Variants in PTPRD observed in about 807,000 individuals in gnomAD.
PTPRD encodes the protein protein tyrosine phosphatase receptor type D.
In PTPRD, 34 loss-of-function variants were observed where a neutral mutation model predicts 214.5. That is an observed-to-expected ratio of 0.16 (90% CI 0.12 to 0.21). The LOEUF is 0.21. PTPRD is among the 10% of genes least tolerant of loss of function. PTPRD has a pLI of 1.00. For missense variants in PTPRD, 2,545 were observed against 2,398.7 expected, an observed-to-expected ratio of 1.06 and a Z score of -1.27; for synonymous variants, 1,128 against 845.7, an observed-to-expected ratio of 1.33 and a Z score of -5.79.
chr9:8,857,463 G>A (rs534133784), intron 11 of PTPRD, among the ~76,000 whole-genome samples: 4 of 152,184 alleles, frequency 2.6e-5, no homozygotes, highest in Non-Finnish European at 5.9e-5. Context: ...TCTGCCCGAG[G>A]AGGTCCAGAG....
At chr9:9,263,789 CA>C (rs1213141565) in intron 9 of PTPRD, among the ~76,000 whole-genome samples, 2 of 151,532 alleles carry the variant, frequency 1.3e-5, no homozygotes, top group Admixed American at 6.6e-5. Context: ...CAATACACAC[CA>C]CAGACACTTG....
At chr9:9,393,250 T>C (rs2066524196) in intron 9 of PTPRD, among the ~76,000 whole-genome samples, 1 of 152,160 alleles carries the variant, frequency 6.6e-6, no homozygotes, top group African/African-American at 2.4e-5. Flanking sequence ...TTGTCATCTT[T>C]CTCATTAACT....
At chr9:9,539,701 T>A (rs1326494657) in intron 8 of PTPRD, among the ~76,000 whole-genome samples, 1 of 151,848 alleles carries the variant, frequency 6.6e-6, no homozygotes, top group Non-Finnish European at 1.5e-5. Context: ...TAACTGGGAG[T>A]GTTGTCCATT....
intron 12 of PTPRD, among the ~76,000 whole-genome samples, chr9:8,730,064 G>A (rs1055853474): frequency 1.3e-5 from 2 of 152,082 alleles, no homozygotes; most frequent in Admixed American, 6.6e-5. Context: ...AGACCATCCT[G>A]GCTAACACAG....
chr9:8,599,267 A>G (rs2094663278), intron 14 of PTPRD, among the ~76,000 whole-genome samples: 1 of 152,172 alleles, frequency 6.6e-6, no homozygotes, highest in Admixed American at 6.5e-5. Flanking sequence ...TTTCCTTTAT[A>G]AATTACTCAG....
At chr9:10,207,940 A>G (rs1013902023) in intron 3 of PTPRD, among the ~76,000 whole-genome samples, 1 of 152,240 alleles carries the variant, frequency 6.6e-6, no homozygotes, top group African/African-American at 2.4e-5. Flanking sequence ...CAGTGCATCA[A>G]TTCCCACACA....
At chr9:9,991,262 T>C (rs564144425) in intron 4 of PTPRD, among the ~76,000 whole-genome samples, 28 of 151,738 alleles carry the variant, frequency 1.8e-4, no homozygotes, top group Admixed American at 1.4e-3. Flanking sequence ...AACTTGGGGA[T>C]TGGAAAAATT....
intron 11 of PTPRD, chr9:8,860,792 G>A (rs1037281101): frequency 6.6e-6 from 1 of 152,072 alleles, no homozygotes; most frequent in Non-Finnish European, 1.5e-5. Context: ...GTAAAGAAAC[G>A]AAGACCCTGA....
chr9:10,205,574 T>C (rs1348756359), intron 3 of PTPRD, among the ~76,000 whole-genome samples: 1 of 151,740 alleles, frequency 6.6e-6, no homozygotes, highest in Non-Finnish European at 1.5e-5. Context: ...CCAGCCTAAT[T>C]TTTTATGTGT....
chr9:8,875,656 C>T (rs1224768583), intron 11 of PTPRD, among the ~76,000 whole-genome samples: 2 of 152,118 alleles, frequency 1.3e-5, no homozygotes, highest in Admixed American at 1.3e-4. Flanking sequence ...TATGGATGCT[C>T]TTGTATATTA....
At chr9:8,385,699 T>C (rs1182256293) in intron 37 of PTPRD, among the ~76,000 whole-genome samples, 1 of 152,174 alleles carries the variant, frequency 6.6e-6, no homozygotes, top group Non-Finnish European at 1.5e-5. Context: ...GTAACCCATG[T>C]CTATATCACT....
At chr9:8,416,277 T>C (rs1350999833) in intron 35 of PTPRD, among the ~76,000 whole-genome samples, 6 of 152,186 alleles carry the variant, frequency 3.9e-5, no homozygotes, top group South Asian at 2.1e-4. Context: ...TATATACATA[T>C]GTATACACAT....
intron 35 of PTPRD, among the ~76,000 whole-genome samples, chr9:8,414,033 G>T (rs888551354): frequency 6.6e-6 from 1 of 152,110 alleles, no homozygotes; most frequent in African/African-American, 2.4e-5. Flanking sequence ...TTAGCATACA[G>T]TGAATTTTAA....
intron 5 of PTPRD, among the ~76,000 whole-genome samples, chr9:9,901,932 AT>A (rs1407993743): frequency 1.3e-5 from 2 of 152,114 alleles, no homozygotes; most frequent in Non-Finnish European, 2.9e-5. Context: ...AACAGCAAAT[AT>A]TTTTATTTAG....
chr9:10,481,289 T>G (rs1374040195), intron 2 of PTPRD, among the ~76,000 whole-genome samples: 1 of 152,178 alleles, frequency 6.6e-6, no homozygotes, highest in Admixed American at 6.5e-5. Context: ...TGTGCATGTT[T>G]GAAATTTTTA....
At chr9:10,302,490 T>C (rs1309876566) in intron 3 of PTPRD, among the ~76,000 whole-genome samples, 1 of 152,108 alleles carries the variant, frequency 6.6e-6, no homozygotes, top group Non-Finnish European at 1.5e-5. Context: ...AAGAGTCAAC[T>C]CCCATTGGTG....
chr9:9,240,864 T>A (rs1160386884), intron 9 of PTPRD, among the ~76,000 whole-genome samples: 3 of 152,166 alleles, frequency 2.0e-5, no homozygotes, highest in Non-Finnish European at 4.4e-5. Context: ...CCATTTTAAG[T>A]TTTTGACATC....
intron 3 of PTPRD, among the ~76,000 whole-genome samples, chr9:10,098,762 G>A (rs982783048): frequency 2.6e-5 from 4 of 151,678 alleles, no homozygotes; most frequent in African/African-American, 9.7e-5. Flanking sequence ...TAACTTTATG[G>A]ATGAAGAAAC....
At chr9:8,335,709 G>A (rs1267995074) in intron 43 of PTPRD, among the ~76,000 whole-genome samples, 1 of 152,166 alleles carries the variant, frequency 6.6e-6, no homozygotes, top group African/African-American at 2.4e-5. Context: ...AATTGTCTCT[G>A]TTTGCAGATG....
Sources: allele counts gnomAD v4.1 joint callset (sites outside exome capture counted in the v4.1 genomes callset), GRCh38; gene constraint gnomAD v4.1.1; transcripts MANE v1.5; gene names NCBI Gene and HGNC (gene_info 2026-07-23, HGNC 2026-07-21).